The following NSUN6 variants were observed in gnomAD, a reference collection of about 807,000 sequenced individuals.
NSUN6 encodes the protein tRNA (cytosine(72)-C(5))-methyltransferase NSUN6.
A neutral mutation model predicts 58.0 loss-of-function variants in NSUN6; 64 were observed. The observed-to-expected ratio is 1.10, with a 90% confidence interval of 0.90 to 1.36. The LOEUF (loss-of-function observed/expected upper bound fraction) is 1.36. Among genes scored for constraint, NSUN6 ranks in the 40% most tolerant of loss-of-function variants. NSUN6 has a pLI of 0.00. For synonymous variants in NSUN6, 231 were observed against 193.9 expected (o/e 1.19, Z -1.59); for missense variants, 701 against 550.1 (o/e 1.27, Z -2.74).
chr10:18,641,894 C>A (rs904884868), intron 3 of NSUN6, among the ~76,000 whole-genome samples: 5 of 152,006 alleles, frequency 3.3e-5, no homozygotes, highest in African/African-American at 9.7e-5. Context: ...CATAGTGTGA[C>A]TGTTTCTACA....
chr10:18,653,842 A>G (rs376829021), upstream of NSUN6, among the ~76,000 whole-genome samples: 16 of 152,340 alleles, frequency 1.1e-4, no homozygotes, highest in Admixed American at 8.5e-4. Flanking sequence ...ATACACCCAT[A>G]TAAGATTTAT....
intron 8 of NSUN6, among the ~76,000 whole-genome samples, chr10:18,560,877 A>AGAATG (rs541755178): frequency 1.1e-4 from 16 of 150,210 alleles, no homozygotes; most frequent in African/African-American, 3.9e-4. Context: ...AATGGAATGG[A>AGAATG]GAATGGAATG....
In NSUN6 at chr10:18,629,129, C is replaced by G. The variant is rs967412304; in HGVS notation, c.312-12836G>C. ...ATTCTTAAAGAAAAGAATTTTCAACCCAGAATTTCATATCCACCCAAACTA... is the reference window on the plus strand; with the variant it reads ...ATTCTTAAAGAAAAGAATTTTCAACGCAGAATTTCATATCCACCCAAACTA... On this transcript the variant is annotated intron_variant, in intron 3 of 10. Coordinates refer to ENST00000377304, the MANE Select transcript of NSUN6 (RefSeq NM_182543.5). Among the ~76,000 whole-genome samples the G allele has an allele frequency of 4.6e-5, 7 of 152,226 alleles. No individual in the cohort carries two copies. In the East Asian group the frequency reaches 1.4e-3, roughly 29 times the overall value.
intron 2 of NSUN6, among the ~76,000 whole-genome samples, chr10:18,644,646 C>T (rs2059488234): frequency 6.6e-6 from 1 of 150,902 alleles, no homozygotes; most frequent in Non-Finnish European, 1.5e-5. Flanking sequence ...ACCATCCTGG[C>T]TAACATGGTG....
chr10:18,587,225 C>G (rs7093907), intron 7 of NSUN6, among the ~76,000 whole-genome samples: 121,808 of 152,174 alleles, frequency 0.8, 48,875 homozygotes, highest in East Asian at 0.98. Flanking sequence ...ACCTCTGGAA[C>G]AACATGAGCT....
intron 8 of NSUN6, among the ~76,000 whole-genome samples, chr10:18,565,210 A>G (rs1485781929): frequency 6.7e-6 from 1 of 149,234 alleles, no homozygotes; most frequent in East Asian, 2.0e-4. Context: ...ATTCCGTTCC[A>G]TAACATTCTC....
upstream of NSUN6, chr10:18,658,490 G>A (rs2059802601): frequency 6.1e-6 from 1 of 163,016 alleles, no homozygotes; most frequent in South Asian, 2.0e-4. Flanking sequence ...TCTTTTCAAT[G>A]CTAGAACCTA....
intron 7 of NSUN6, among the ~76,000 whole-genome samples, chr10:18,586,346 C>T (rs1411328959): frequency 1.3e-5 from 2 of 151,722 alleles, no homozygotes; most frequent in Non-Finnish European, 2.9e-5. Flanking sequence ...TTCTTAAAGA[C>T]GTTGTGTCCG....
chr10:18,554,888 G>A (rs1422481607), intron 8 of NSUN6, among the ~76,000 whole-genome samples: 2 of 150,624 alleles, frequency 1.3e-5, no homozygotes, highest in African/African-American at 4.9e-5. Flanking sequence ...ATATAATGGA[G>A]AATGGAATGG....
intron 8 of NSUN6, among the ~76,000 whole-genome samples, chr10:18,558,321 CAGAAT>C (rs1213654165): frequency 1.6e-5 from 2 of 127,326 alleles, no homozygotes; most frequent in Admixed American, 8.0e-5. Flanking sequence ...GAATGGAGAA[CAGAAT>C]GGAATGGAAT....
intron 6 of NSUN6, among the ~76,000 whole-genome samples, chr10:18,604,908 C>T (rs1349805272): frequency 1.4e-5 from 2 of 145,576 alleles, no homozygotes; most frequent in Non-Finnish European, 3.0e-5. Context: ...CTTTTTGAGA[C>T]GGAGTCTCAC....
intron 3 of NSUN6, among the ~76,000 whole-genome samples, chr10:18,618,468 G>A (rs2058488921): frequency 6.6e-6 from 1 of 151,986 alleles, no homozygotes; most frequent in Non-Finnish European, 1.5e-5. Context: ...GATCACATGA[G>A]GTTGGGAGTT....
chr10:18,563,369 T>C (rs1297943893), intron 8 of NSUN6, among the ~76,000 whole-genome samples: 1 of 148,468 alleles, frequency 6.7e-6, no homozygotes, highest in Admixed American at 6.8e-5. Flanking sequence ...GAATGGAGAA[T>C]GGAATGGAAC....
At chr10:18,600,959 T>TATATACATATATATATATATAC in intron 6 of NSUN6, among the ~76,000 whole-genome samples, 2 of 64,960 alleles carry the variant, frequency 3.1e-5, no homozygotes, top group Non-Finnish European at 6.1e-5. Flanking sequence ...TATATATATA[T>TATATACATATATATATATATAC]ACATATATAT....
At chr10:18,554,891 T>TGGAATGGAATAGAGAATGGAAGAAAC (rs2054870235) in intron 8 of NSUN6, among the ~76,000 whole-genome samples, 1 of 145,510 alleles carries the variant, frequency 6.9e-6, no homozygotes, top group Non-Finnish European at 1.5e-5. Flanking sequence ...TAATGGAGAA[T>TGGAATGGAATAGAGAATGGAAGAAAC]GGAATGGAAT....
chr10:18,647,488 A>G (rs1296697515), intron 2 of NSUN6, among the ~76,000 whole-genome samples: 1 of 152,230 alleles, frequency 6.6e-6, no homozygotes, highest in East Asian at 1.9e-4. Flanking sequence ...AGCTTTCAAA[A>G]GCAAAAGAGT....
chr10:18,580,882 C>A (rs1415085385), intron 8 of NSUN6, among the ~76,000 whole-genome samples: 76 of 152,194 alleles, frequency 5.0e-4, no homozygotes, highest in Admixed American at 4.9e-3. Context: ...GACCAAGGGG[C>A]ACAAGGCAGA....
chr10:18,624,716 CAG>C (rs1256086999), intron 3 of NSUN6, among the ~76,000 whole-genome samples: 1 of 130,800 alleles, frequency 7.6e-6, no homozygotes, highest in African/African-American at 2.8e-5. Context: ...AATATGTTAA[CAG>C]AAAAAAAAAA....
At chr10:18,650,141 T>A (rs7095070) in intron 1 of NSUN6, among the ~76,000 whole-genome samples, 85,145 of 152,066 alleles carry the variant, frequency 0.56, 24,372 homozygotes, top group East Asian at 0.96. Context: ...CACTGCCAAT[T>A]GCAAACAAAA....
Sources: allele counts gnomAD v4.1 joint callset (sites outside exome capture counted in the v4.1 genomes callset), GRCh38; gene constraint gnomAD v4.1.1; transcripts MANE v1.5; gene names NCBI Gene and HGNC (gene_info 2026-07-23, HGNC 2026-07-21).